GRIN2B: variants seen among roughly 807,000 people sequenced by gnomAD.
GRIN2B encodes the protein glutamate receptor ionotropic, NMDA 2B.
A neutral mutation model predicts 114.5 loss-of-function variants in GRIN2B; 5 were observed. That is an observed-to-expected ratio of 0.04 (90% CI 0.02 to 0.09). The LOEUF (loss-of-function observed/expected upper bound fraction) is 0.09. GRIN2B is among the 10% of genes least tolerant of loss of function. The probability of loss-of-function intolerance (pLI) is 1.00; values close to 1 mark genes in which losing one functional copy is unlikely to be tolerated. For missense variants in GRIN2B, 1,108 were observed against 1,943.5 expected (o/e 0.57, Z 8.08); for synonymous variants, 787 against 745.1 (o/e 1.06, Z -0.92).
intron 3 of GRIN2B, among the ~76,000 whole-genome samples, chr12:13,810,372 G>T (rs184675556): frequency 2.6e-5 from 4 of 151,826 alleles, no homozygotes; most frequent in Non-Finnish European, 4.4e-5. Context: ...GTGTGTGTGC[G>T]CGCATTTGGT....
chr12:13,788,650 G>C (rs1203006526), intron 3 of GRIN2B, among the ~76,000 whole-genome samples: 1 of 152,062 alleles, frequency 6.6e-6, no homozygotes, highest in Non-Finnish European at 1.5e-5. Flanking sequence ...TATAAACTTT[G>C]GTTTCCCTTC....
intron 4 of GRIN2B, among the ~76,000 whole-genome samples, chr12:13,740,306 C>T (rs1863257948): frequency 6.6e-6 from 1 of 152,136 alleles, no homozygotes; most frequent in Non-Finnish European, 1.5e-5. Context: ...CTTGTGAAGA[C>T]AATCAGATGA....
In GRIN2B at chr12:13,787,240, A is replaced by C. The variant is rs139745256; in HGVS notation, c.412-33325T>G. Among the ~76,000 whole-genome samples the C allele has an allele frequency of 1.9e-4, 29 of 152,292 alleles. No individual in the cohort carries two copies. In the East Asian group the frequency reaches 2.5e-3, roughly 13 times the overall value. ...GAAGCCCCTGCATAAAAGAAGATGA[A>C]CTTCAGTGGAATTCCCCAACTCTTC... On this transcript the variant is annotated intron_variant, in intron 3 of 13. Transcript: ENST00000609686.
At chr12:13,625,381 G>T (rs1949555727) in intron 5 of GRIN2B, among the ~76,000 whole-genome samples, 1 of 152,170 alleles carries the variant, frequency 6.6e-6, no homozygotes, top group South Asian at 2.1e-4. Flanking sequence ...CATGGCAAGT[G>T]GCGACCGAAG....
intron 5 of GRIN2B, among the ~76,000 whole-genome samples, chr12:13,618,190 C>T (rs1033621906): frequency 6.6e-6 from 1 of 152,168 alleles, no homozygotes; most frequent in African/African-American, 2.4e-5. Flanking sequence ...CCAAATGGCT[C>T]TCCAGCCAGT....
intron 2 of GRIN2B, among the ~76,000 whole-genome samples, chr12:13,891,683 G>T (rs1242097363): frequency 6.6e-6 from 1 of 152,056 alleles, no homozygotes; most frequent in Non-Finnish European, 1.5e-5. Flanking sequence ...GCTGGCAAAA[G>T]GTGTCAGACT....
At chr12:13,964,254 C>T (rs1867749993) in intron 2 of GRIN2B, among the ~76,000 whole-genome samples, 1 of 152,210 alleles carries the variant, frequency 6.6e-6, no homozygotes, top group South Asian at 2.1e-4. Flanking sequence ...TCCTACATTA[C>T]TTGATTTCTG....
chr12:13,735,089 C>T (rs1296259152), intron 4 of GRIN2B, among the ~76,000 whole-genome samples: 1 of 152,128 alleles, frequency 6.6e-6, no homozygotes, highest in Admixed American at 6.5e-5. Context: ...AAATGTGGAC[C>T]ACATCCAGTG....
Position 13,560,461 on chromosome 12 carries a change from T to G in GRIN2B, c.*2322A>C, listed in dbSNP as rs1235610526. ...TGTTGCCAGCGGAGACTGAAAGAGC[T>G]CCCTTGGTTCTAGATTGCTGTTCGC... On this transcript the variant is annotated 3_prime_UTR_variant, in exon 14 of 14. Transcript: ENST00000609686. 6.6e-6 allele frequency: 1 copy of G among 152,314 alleles called. No homozygotes were observed. Among genetic ancestry groups the G allele is most frequent in the Non-Finnish European group, 1.5e-5 (1 of 68,038 alleles). 9.4% of individuals were successfully genotyped at this position (152,314 alleles called of 1,614,324 possible).
intron 2 of GRIN2B, among the ~76,000 whole-genome samples, chr12:13,901,265 C>G (rs1421504628): frequency 1.3e-5 from 2 of 152,084 alleles, no homozygotes; most frequent in African/African-American, 4.8e-5. Context: ...TGTTTATTGG[C>G]CACTTAGACA....
At position 13,918,955 on chromosome 12, in the gene GRIN2B, A is replaced by G. The variant is rs544261823; in HGVS notation, c.-18-52729T>C. ...TTAGCAGTTCAACTAACTTATTTTC[A>G]TTTACTTCATGTATTTAATACCTAT... On this transcript the variant is annotated intron_variant, in intron 2 of 13. Coordinates refer to ENST00000609686, the MANE Select transcript of GRIN2B (RefSeq NM_000834.5). 2.6e-5 allele frequency among the ~76,000 whole-genome samples: 4 copies of G among 152,164 alleles called. No individual in the cohort carries two copies. In the East Asian group the frequency reaches 7.7e-4, roughly 29 times the overall value.
At chr12:13,730,490 T>C (rs2136603780) in intron 4 of GRIN2B, among the ~76,000 whole-genome samples, 2 of 152,268 alleles carry the variant, frequency 1.3e-5, no homozygotes, top group Middle Eastern at 3.4e-3. Flanking sequence ...TGCCTCCGTT[T>C]TTATAGATGA....
At chr12:13,582,038 T>A (rs1948860249) in intron 10 of GRIN2B, among the ~76,000 whole-genome samples, 1 of 152,206 alleles carries the variant, frequency 6.6e-6, no homozygotes, top group Admixed American at 6.5e-5. Flanking sequence ...ACAAGCCACT[T>A]AGCTTTGAAA....
chr12:13,866,313 C>G, intron 2 of GRIN2B, 87 bp from the exon 3 acceptor site: 1 of 1,136,472 alleles, frequency 8.8e-7, no homozygotes, highest in Non-Finnish European at 1.3e-6. Flanking sequence ...AATTCAAGGA[C>G]CTTATCTCCT....
Position 13,563,426 on chromosome 12 carries a change from G to A in GRIN2B, c.3812C>T (p.Ala1271Val), listed in dbSNP as rs372379846. Residue 1271 changes from alanine to valine, a missense_variant, in exon 14 of 14, where the codon GCG becomes GTG. By Grantham distance (64) the Ala-to-Val change is moderately conservative. Transcript: ENST00000609686. ...QELDQPAAPV[A>V]VTSNASTTKY... ...AGTGGTGGAGGCGTTTGACGTCACC[G>A]CCACTGGGGCAGCCGGCTGGTCCAG... 2.7e-5 allele frequency: 43 copies of A among 1,614,048 alleles called. No homozygotes were observed. Among genetic ancestry groups the A allele is most frequent in the African/African-American group, 9.3e-5 (7 of 74,920 alleles).
At chr12:13,930,742 G>C (rs1489863800) in intron 2 of GRIN2B, among the ~76,000 whole-genome samples, 2 of 152,164 alleles carry the variant, frequency 1.3e-5, no homozygotes, top group African/African-American at 4.8e-5. Flanking sequence ...GAATTTGGAT[G>C]TAAAATAGAC....
intron 4 of GRIN2B, among the ~76,000 whole-genome samples, chr12:13,719,467 T>C (rs1392056819): frequency 6.6e-6 from 1 of 151,920 alleles, no homozygotes; most frequent in African/African-American, 2.4e-5. Flanking sequence ...ACATTTATTG[T>C]GGTATGAAAC....
intron 3 of GRIN2B, among the ~76,000 whole-genome samples, chr12:13,799,422 C>T (rs1429479478): frequency 6.6e-6 from 1 of 152,136 alleles, no homozygotes; most frequent in Non-Finnish European, 1.5e-5. Flanking sequence ...CAATCTGGCA[C>T]CAAATCCACT....
intron 4 of GRIN2B, among the ~76,000 whole-genome samples, chr12:13,718,078 C>A (rs1283331383): frequency 6.6e-6 from 1 of 152,002 alleles, no homozygotes; most frequent in African/African-American, 2.4e-5. Context: ...GAAGTCTTTG[C>A]CTCTCACAGA....
Sources: allele counts gnomAD v4.1 joint callset (sites outside exome capture counted in the v4.1 genomes callset), GRCh38; gene constraint gnomAD v4.1.1; transcripts MANE v1.5; gene names NCBI Gene and HGNC (gene_info 2026-07-23, HGNC 2026-07-21).